CTDP1: variants seen among roughly 807,000 people sequenced by gnomAD.
The protein encoded by CTDP1 is CTD phosphatase 1, also known as RNA polymerase II subunit A C-terminal domain phosphatase.
CTDP1 carries 47 observed loss-of-function variants against 91.8 expected under a neutral mutation model. The observed-to-expected ratio is 0.51, with a 90% CI of 0.41 to 0.65. The LOEUF (loss-of-function observed/expected upper bound fraction) is 0.65. Ranked by LOEUF, CTDP1 falls within the 30% of genes least tolerant of loss-of-function variation. The pLI, the probability that CTDP1 is intolerant of heterozygous loss-of-function variation, is 0.00. For missense variants in CTDP1, 1,272 were observed against 1,373.7 expected (o/e 0.93, Z 1.17); for synonymous variants, 656 against 598.5 (o/e 1.10, Z -1.40).
chr18:79,680,301 TC>T, intron 1 of CTDP1, 40 bp downstream of exon 1: 1 of 1,237,430 alleles, frequency 8.1e-7, no homozygotes, highest in Non-Finnish European at 1.0e-6. Context: ...GGCGGGCGGC[TC>T]CGGGGAGGGA....
Position 79,753,978 on chromosome 18 carries a change from G to A in CTDP1, c.*188G>A, listed in dbSNP as rs2087054198. The A allele has an allele frequency of 1.2e-6, 1 of 801,190 alleles. No homozygotes were observed. The highest frequency in any genetic ancestry group is 1.9e-6 in the Non-Finnish European group (1 of 515,176). 49.6% of individuals were successfully genotyped at this position (801,190 alleles called of 1,614,324 possible). ...TTTTAAGAAGTTTTACTACAGGAATGTCTACTTTTGTAAGTGACAGGTGTT... is the reference window on the plus strand; with the variant it reads ...TTTTAAGAAGTTTTACTACAGGAATATCTACTTTTGTAAGTGACAGGTGTT... On this transcript the variant is annotated 3_prime_UTR_variant, in exon 13 of 13. Coordinates refer to ENST00000613122, the MANE Select transcript of CTDP1 (RefSeq NM_004715.5).
At position 79,753,823 on chromosome 18, in the gene CTDP1, C is replaced by T. The variant is rs1802444; in HGVS notation, c.*33C>T. ...CAGCGGGCAGGGACTGAAGCCTGAC[C>T]GACCTCCAGCAGCACTCGGACGTCC... On this transcript the variant is annotated 3_prime_UTR_variant, in exon 13 of 13. Coordinates refer to ENST00000613122, the MANE Select transcript of CTDP1 (RefSeq NM_004715.5). 27 of 1,607,762 alleles carry T rather than the reference C, an allele frequency of 1.7e-5. No individual in the cohort carries two copies. The highest frequency in any genetic ancestry group is 2.0e-5 in the Non-Finnish European group (23 of 1,178,068).
chr18:79,699,555 G>T (rs553078228), intron 4 of CTDP1, among the ~76,000 whole-genome samples: 1 of 151,956 alleles, frequency 6.6e-6, no homozygotes, highest in Non-Finnish European at 1.5e-5. Flanking sequence ...GAGCCACCGC[G>T]CCCGCCCAAG....
At chr18:79,708,573 G>A (rs766334619) in intron 5 of CTDP1, among the ~76,000 whole-genome samples, 12 of 152,354 alleles carry the variant, frequency 7.9e-5, no homozygotes, top group South Asian at 2.1e-4. Flanking sequence ...GGAGCCAGGC[G>A]TTCCAGTGAG....
At position 79,714,600 on chromosome 18, in the gene CTDP1, T is replaced by G; in HGVS notation, c.1140T>G (p.Pro380=). Reference sequence around the variant, plus strand: ...AGCCCAGCAATGGCCTGGAGAAGCCTGCACGGGAGCTGAACGGCAGCGAGG... The same window carrying G: ...AGCCCAGCAATGGCCTGGAGAAGCCGGCACGGGAGCTGAACGGCAGCGAGG... The part of the protein sequence containing the change: ...GVEPSNGLEK[P]ARELNGSEAA... The change falls in exon 8 of 13, where the codon CCT becomes CCG. Residue 380 remains proline, a synonymous_variant. Coordinates refer to ENST00000613122, the MANE Select transcript of CTDP1 (RefSeq NM_004715.5). 1 of 1,612,948 alleles carries G rather than the reference T, an allele frequency of 6.2e-7. No homozygotes were observed. Among genetic ancestry groups the G allele is most frequent in the Non-Finnish European group, 8.5e-7 (1 of 1,179,996 alleles).
chr18:79,743,612 G>A (rs1440799652), intron 12 of CTDP1, among the ~76,000 whole-genome samples: 4 of 150,820 alleles, frequency 2.7e-5, no homozygotes, highest in African/African-American at 7.3e-5. Flanking sequence ...TAATTACAAC[G>A]ATGCATTGTT....
At chr18:79,722,847 G>A (rs573866729) in intron 10 of CTDP1, among the ~76,000 whole-genome samples, 19 of 152,350 alleles carry the variant, frequency 1.2e-4, no homozygotes, top group East Asian at 3.9e-4. Flanking sequence ...CGGGGCCTTC[G>A]TGCTGCGGTG....
At chr18:79,743,080 T>G (rs1377245810) in intron 12 of CTDP1, among the ~76,000 whole-genome samples, 1 of 152,220 alleles carries the variant, frequency 6.6e-6, no homozygotes, top group Non-Finnish European at 1.5e-5. Context: ...AGATGGTGAC[T>G]GGAATTTACA....
chr18:79,699,650 T>A (rs145655534), intron 4 of CTDP1, among the ~76,000 whole-genome samples: 1 of 152,152 alleles, frequency 6.6e-6, no homozygotes, highest in Non-Finnish European at 1.5e-5. Flanking sequence ...TGCACACATA[T>A]ACCTTCATGA....
intron 12 of CTDP1, among the ~76,000 whole-genome samples, chr18:79,742,423 C>T (rs2086799649): frequency 6.6e-6 from 1 of 152,226 alleles, no homozygotes; most frequent in South Asian, 2.1e-4. Context: ...TCCAGCAAAA[C>T]AACCTTTCAA....
intron 10 of CTDP1, among the ~76,000 whole-genome samples, chr18:79,721,819 T>C (rs1226553607): frequency 1.4e-5 from 2 of 146,182 alleles, no homozygotes; most frequent in Non-Finnish European, 3.0e-5. Flanking sequence ...TTCTTCAGTA[T>C]TTTTATTTAT....
At chr18:79,712,903 C>T (rs999846396) in intron 6 of CTDP1, 69 bp from the exon 7 acceptor site, 102 of 1,534,910 alleles carry the variant, frequency 6.6e-5, no homozygotes, top group Non-Finnish European at 8.0e-5. Context: ...TAAACTGTTA[C>T]GCTTGGCAAG....
In CTDP1 at chr18:79,718,002, G is replaced by A. The variant is rs1422083155; in HGVS notation, c.2403G>A (p.Glu801=). 6.2e-7 allele frequency: 1 copy of A among 1,613,312 alleles called. No individual in the cohort carries two copies. The highest frequency in any genetic ancestry group is 1.7e-5 in the Admixed American group (1 of 60,024). Residue 801 remains glutamate (E), a synonymous_variant, in exon 10 of 13, where the codon GAG becomes GAA. Transcript: ENST00000613122. Reference sequence around the variant, plus strand: ...CCAGCTCCCTACCCATCCGCCAGGAGCCCTCTTCCTTCAGGTACGTGGCGG... The same window carrying A: ...CCAGCTCCCTACCCATCCGCCAGGAACCCTCTTCCTTCAGGTACGTGGCGG... The part of the protein sequence containing the change: ...APSSSLPIRQ[E]PSSFRAVPPP...
chr18:79,705,323 G>T (rs577205071), intron 5 of CTDP1, among the ~76,000 whole-genome samples: 98 of 152,310 alleles, frequency 6.4e-4, no homozygotes, highest in African/African-American at 2.3e-3. Context: ...TACCCTTAGG[G>T]TTTAGCGTTT....
upstream of CTDP1, chr18:79,677,877 G>C (rs1465030130): frequency 2.0e-5 from 3 of 152,186 alleles, no homozygotes; most frequent in African/African-American, 7.2e-5. Flanking sequence ...CTTTAGTTTT[G>C]TTACCTGGTT....
rs963767956 is a variant in CTDP1, at chr18:79,679,921, C to A, written c.-27C>A. 1.4e-6 allele frequency: 2 copies of A among 1,380,292 alleles called. No individual in the cohort carries two copies. The highest frequency in any genetic ancestry group is 1.5e-5 in the African/African-American group (1 of 64,898). 85.5% of individuals were successfully genotyped at this position (1,380,292 alleles called of 1,614,324 possible). ...TCTGAGCGCAGCGCAGGCCCCGTAC[C>A]GACCGCCCGCCCGCCCTCTGTCCGC... is the stretch of plus-strand genomic sequence containing the variant. On this transcript the variant is annotated 5_prime_UTR_variant, in exon 1 of 13. Coordinates refer to ENST00000613122, the MANE Select transcript of CTDP1 (RefSeq NM_004715.5).
At chr18:79,702,654 A>G (rs965518797) in intron 4 of CTDP1, 14 of 152,162 alleles carry the variant, frequency 9.2e-5, no homozygotes, top group African/African-American at 2.9e-4. Context: ...GATTATAGGC[A>G]TTGAGCCACC....
In CTDP1 at chr18:79,727,404, G is replaced by A. The variant is rs114860874; in HGVS notation, c.2418-1503G>A. 4.3e-3 allele frequency among the ~76,000 whole-genome samples: 660 copies of A among 152,222 alleles called. 3 individuals are homozygous for A. The highest frequency in any genetic ancestry group is 0.014 in the African/African-American group (594 of 41,544). ...AAAGCGCAGCGTTCACGGTGTTCAC[G>A]GGATGGGAAGCGCAGCGTTCGTGGG... is the stretch of plus-strand genomic sequence containing the variant. On this transcript the variant is annotated intron_variant, in intron 10 of 12. Coordinates refer to ENST00000613122, the MANE Select transcript of CTDP1 (RefSeq NM_004715.5).
chr18:79,739,885 T>C (rs868062696), intron 12 of CTDP1, among the ~76,000 whole-genome samples: 94 of 1,106 alleles, frequency 0.085, 7 homozygotes, highest in African/African-American at 0.15. Flanking sequence ...GGGACTCTCA[T>C]ACCCACGGCC....
Sources: gnomAD v4.1 joint callset for allele counts (sites outside exome capture counted in the v4.1 genomes callset) on GRCh38, gnomAD v4.1.1 for gene constraint, MANE v1.5 for transcripts, NCBI Gene and HGNC (gene_info 2026-07-23, HGNC 2026-07-21) for gene names.